PSD3: variants seen among roughly 807,000 people sequenced by gnomAD.
PSD3 encodes the protein pleckstrin and Sec7 domain containing 3.
PSD3 carries 49 observed loss-of-function variants against 105.5 expected under a neutral mutation model. The ratio of observed to expected loss-of-function variants is 0.46; its 90% confidence interval spans 0.37 to 0.59. PSD3 has a LOEUF of 0.59. PSD3 is among the 20% of genes least tolerant of loss of function. The probability of loss-of-function intolerance (pLI) is 0.00; values close to 1 mark genes in which losing one functional copy is unlikely to be tolerated. For missense variants in PSD3, 1,561 were observed against 1,263.8 expected (o/e 1.24, Z -3.57); for synonymous variants, 557 against 457.8 (o/e 1.22, Z -2.77).
chr8:18,868,163 T>A, intron 3 of PSD3, 94 bp from the exon 4 acceptor site: 1 of 1,272,464 alleles, frequency 7.9e-7, no homozygotes, highest in South Asian at 1.5e-5. Context: ...ATTCTGAAGA[T>A]CTAACTCTTC....
chr8:19,074,622 T>C (rs1410149891), intron 1 of PSD3, among the ~76,000 whole-genome samples: 1 of 113,892 alleles, frequency 8.8e-6, no homozygotes, highest in South Asian at 3.3e-4. Context: ...TTTTTTTTTT[T>C]TTTTTTTTTT....
intron 4 of PSD3, among the ~76,000 whole-genome samples, chr8:18,865,423 G>A (rs1051964514): frequency 6.7e-6 from 1 of 150,218 alleles, no homozygotes; most frequent in Non-Finnish European, 1.5e-5. Context: ...AAGGTAGAAG[G>A]GAGTAAAGAA....
intron 11 of PSD3, among the ~76,000 whole-genome samples, chr8:18,612,052 C>T (rs186291732): frequency 2.0e-5 from 3 of 152,156 alleles, no homozygotes; most frequent in Admixed American, 6.5e-5. Flanking sequence ...TAAATGATAA[C>T]AAGCTGTAAA....
chr8:18,961,420 G>C (rs1034365900), intron 1 of PSD3, among the ~76,000 whole-genome samples: 6 of 152,192 alleles, frequency 3.9e-5, no homozygotes, highest in African/African-American at 1.4e-4. Flanking sequence ...TGGGCGCGGT[G>C]GCTCACGCCT....
intron 1 of PSD3, among the ~76,000 whole-genome samples, chr8:19,051,992 C>T (rs1374343155): frequency 2.6e-5 from 4 of 152,132 alleles, no homozygotes; most frequent in Non-Finnish European, 4.4e-5. Context: ...AAAATTAGAT[C>T]AAAGTGATGG....
At chr8:19,049,571 G>A (rs1828443897) in intron 1 of PSD3, among the ~76,000 whole-genome samples, 1 of 151,470 alleles carries the variant, frequency 6.6e-6, no homozygotes, top group Non-Finnish European at 1.5e-5. Context: ...CAAACCTGTA[G>A]TCCAAGCTAC....
intron 9 of PSD3, among the ~76,000 whole-genome samples, chr8:18,691,760 A>G (rs1275814656): frequency 6.6e-6 from 1 of 152,220 alleles, no homozygotes; most frequent in Non-Finnish European, 1.5e-5. Context: ...AATACATGCC[A>G]ATCATTGAAT....
At chr8:18,585,046 C>A (rs1414135429) in intron 12 of PSD3, among the ~76,000 whole-genome samples, 1 of 152,086 alleles carries the variant, frequency 6.6e-6, no homozygotes, top group Admixed American at 6.6e-5. Flanking sequence ...GTATTTTTGA[C>A]CTGTGTTTAT....
intron 12 of PSD3, among the ~76,000 whole-genome samples, chr8:18,586,130 C>A (rs1465021073): frequency 6.6e-6 from 1 of 152,042 alleles, no homozygotes; most frequent in Non-Finnish European, 1.5e-5. Flanking sequence ...ACAGGGCGGC[C>A]ACAACCTTAA....
At chr8:18,939,435 T>A (rs1586479697) in intron 1 of PSD3, among the ~76,000 whole-genome samples, 1 of 152,316 alleles carries the variant, frequency 6.6e-6, no homozygotes, top group Admixed American at 6.5e-5. Flanking sequence ...TATTTGGAAA[T>A]ATGTATACTC....
chr8:18,885,954 G>C (rs1408735844), intron 2 of PSD3, among the ~76,000 whole-genome samples: 1 of 152,138 alleles, frequency 6.6e-6, no homozygotes, highest in African/African-American at 2.4e-5. Flanking sequence ...CTACCTTTGA[G>C]CTAACCTTGT....
chr8:18,854,190 G>T (rs1429182485), intron 4 of PSD3: 1 of 152,540 alleles, frequency 6.6e-6, no homozygotes, highest in East Asian at 1.9e-4. Context: ...CTTCCGCAAG[G>T]GCTCTTTTAA....
At chr8:18,747,985 A>G (rs766568030) in intron 9 of PSD3, among the ~76,000 whole-genome samples, 10 of 152,148 alleles carry the variant, frequency 6.6e-5, no homozygotes, top group Admixed American at 1.3e-4. Flanking sequence ...AAGTCTTCGT[A>G]TGTACTAGAA....
chr8:18,627,332 A>C (rs1806559301), intron 11 of PSD3, among the ~76,000 whole-genome samples: 1 of 152,014 alleles, frequency 6.6e-6, no homozygotes, highest in Non-Finnish European at 1.5e-5. Context: ...CGTAAAACAG[A>C]GGGGAGAGTT....
intron 7 of PSD3, among the ~76,000 whole-genome samples, chr8:18,800,577 G>C (rs563988367): frequency 6.6e-6 from 1 of 152,198 alleles, no homozygotes; most frequent in African/African-American, 2.4e-5. Flanking sequence ...ACTGAAAAGT[G>C]TACTTTATTG....
In PSD3 at chr8:19,060,238, G is replaced by GA. The variant is rs1022816353; in HGVS notation, c.324+23967dup. Among the ~76,000 whole-genome samples, 14 of 151,834 alleles carry GA rather than the reference G, an allele frequency of 9.2e-5. 1 individual carries two copies. Among genetic ancestry groups the GA allele is most frequent in the Admixed American group, 3.9e-4 (6 of 15,246 alleles). ...GTGACTAGAGGAAAATTGAAAAAGA[G>GA]AAAAAAAACTTTAAAAATGAAATGA... On this transcript the variant is annotated intron_variant, in intron 1 of 1. Transcript: ENST00000521475.
chr8:18,645,758 G>C (rs1807990580), intron 10 of PSD3, among the ~76,000 whole-genome samples: 1 of 152,128 alleles, frequency 6.6e-6, no homozygotes, highest in Admixed American at 6.5e-5. Flanking sequence ...ATCTAGAAAA[G>C]TCATTTAATT....
intron 9 of PSD3, among the ~76,000 whole-genome samples, chr8:18,678,738 G>T (rs1173303918): frequency 1.3e-5 from 2 of 152,198 alleles, no homozygotes; most frequent in African/African-American, 4.8e-5. Flanking sequence ...CTCGAATCTG[G>T]GAGGCAGAGG....
At chr8:19,072,141 G>A (rs1472304377) in intron 1 of PSD3, among the ~76,000 whole-genome samples, 2 of 145,180 alleles carry the variant, frequency 1.4e-5, no homozygotes, top group East Asian at 2.1e-4. Flanking sequence ...TCCCTCTGTC[G>A]CCCAGGCTAG....
Sources: gnomAD v4.1 joint callset for allele counts (sites outside exome capture counted in the v4.1 genomes callset) on GRCh38, gnomAD v4.1.1 for gene constraint, MANE v1.5 for transcripts, NCBI Gene and HGNC (gene_info 2026-07-23, HGNC 2026-07-21) for gene names.